UBXN8: variants seen among roughly 807,000 people sequenced by gnomAD.
The protein encoded by UBXN8 is UBX domain-containing protein 8.
UBXN8 carries 27 observed loss-of-function variants against 32.1 expected under a neutral mutation model. The ratio of observed to expected loss-of-function variants is 0.84; its 90% CI spans 0.62 to 1.16. The LOEUF is 1.16. Among genes scored for constraint, UBXN8 ranks in the 50% most tolerant of loss-of-function variants. The pLI, the probability that UBXN8 is intolerant of heterozygous loss-of-function variation, is 0.00. For missense variants in UBXN8, 306 were observed against 311.4 expected (o/e 0.98, Z 0.13); for synonymous variants, 109 against 111.8 (o/e 0.98, Z 0.16).
intron 6 of UBXN8, 40 bp from the exon 7 acceptor site, chr8:30,763,233 G>A: frequency 6.3e-7 from 1 of 1,589,950 alleles, no homozygotes; most frequent in Non-Finnish European, 8.6e-7. Context: ...ATTGCAAAGA[G>A]CAATGGATCG....
At chr8:30,742,664 A>G (rs1212284199), upstream of UBXN8, among the ~76,000 whole-genome samples, 4 of 151,838 alleles carry the variant, frequency 2.6e-5, no homozygotes, top group African/African-American at 7.3e-5. Context: ...CTGCAGCAAT[A>G]ATCACTGGTA....
intron 3 of UBXN8, chr8:30,754,266 T>G: frequency 2.9e-6 from 1 of 349,252 alleles, no homozygotes; most frequent in Non-Finnish European, 5.7e-6. Context: ...CAAAGGATGT[T>G]GGCTTCCCTC....
intron 1 of UBXN8, among the ~76,000 whole-genome samples, chr8:30,746,901 A>T (rs1384045002): frequency 1.4e-5 from 2 of 140,690 alleles, no homozygotes; most frequent in Admixed American, 7.1e-5. Flanking sequence ...TACACAAAAA[A>T]ATCCCAGCAC....
chr8:30,742,479 T>C (rs757002820), upstream of UBXN8, among the ~76,000 whole-genome samples: 3 of 152,014 alleles, frequency 2.0e-5, no homozygotes, highest in Non-Finnish European at 4.4e-5. Context: ...GCCTCTTGAG[T>C]AGCTGGGAGC....
At position 30,754,597 on chromosome 8, in the gene UBXN8, T is replaced by C. The variant is rs1031187879; in HGVS notation, c.283-68T>C. The C allele has an allele frequency of 1.3e-6, 2 of 1,498,690 alleles. 1 individual carries two copies. Among genetic ancestry groups the C allele is most frequent in the Non-Finnish European group, 1.8e-6 (2 of 1,131,014 alleles). 92.8% of individuals were successfully genotyped at this position (1,498,690 alleles called of 1,614,324 possible). On this transcript the variant is annotated intron_variant, in intron 3 of 7. Transcript: ENST00000265616. ...CTTACTTGGTTCTTATTTACAACTT[T>C]ATAGACAGTGTACATTTTTAGGAAC...
intron 2 of UBXN8, among the ~76,000 whole-genome samples, chr8:30,752,674 T>G (rs1336846944): frequency 6.6e-6 from 1 of 152,186 alleles, no homozygotes; most frequent in Non-Finnish European, 1.5e-5. Flanking sequence ...ATATTGTACT[T>G]AGCCTCAGAA....
intron 6 of UBXN8, among the ~76,000 whole-genome samples, 177 bp downstream of exon 6, chr8:30,761,106 C>T (rs1384176920): frequency 6.6e-6 from 1 of 152,068 alleles, no homozygotes; most frequent in African/African-American, 2.4e-5. Context: ...CACTATGTTG[C>T]CTAGGCTGGC....
intron 1 of UBXN8, among the ~76,000 whole-genome samples, chr8:30,750,195 G>A (rs1805482058): frequency 6.6e-6 from 1 of 152,032 alleles, no homozygotes; most frequent in Non-Finnish European, 1.5e-5. Flanking sequence ...GAAAGGGCTG[G>A]GTGTGGTGGC....
chr8:30,765,285 T>A (rs1805967830), intron 7 of UBXN8, among the ~76,000 whole-genome samples: 1 of 151,976 alleles, frequency 6.6e-6, no homozygotes, highest in Admixed American at 6.6e-5. Flanking sequence ...TTTTTATTTA[T>A]TTTTGTAAGA....
intron 7 of UBXN8, among the ~76,000 whole-genome samples, chr8:30,765,682 G>A (rs1015524378): frequency 8.6e-5 from 13 of 150,420 alleles, no homozygotes; most frequent in Non-Finnish European, 1.3e-4. Flanking sequence ...GCCTCCTGAG[G>A]GCCTGGGATT....
At chr8:30,758,867 C>G in intron 5 of UBXN8, among the ~76,000 whole-genome samples, 1 of 136,556 alleles carries the variant, frequency 7.3e-6, no homozygotes, top group South Asian at 2.5e-4. Context: ...TCATTGGTAA[C>G]AAATGTTTTT....
In UBXN8 at chr8:30,744,173, C is replaced by T; in HGVS notation, c.-17C>T. On this transcript the variant is annotated 5_prime_UTR_variant, in exon 1 of 8. Coordinates refer to ENST00000265616, the MANE Select transcript of UBXN8 (RefSeq NM_005671.4). ...GAAGGGGCGGGCTTTCCGCCTGCAC[C>T]AGGCGCTTCCGCCACCATGGCTTCA... is the stretch of plus-strand genomic sequence containing the variant. The T allele has an allele frequency of 1.9e-6, 3 of 1,609,754 alleles. No homozygotes were observed. The highest frequency in any genetic ancestry group is 8.5e-7 in the Non-Finnish European group (1 of 1,178,062).
intron 6 of UBXN8, 85 bp downstream of exon 6, chr8:30,761,014 G>A: frequency 1.0e-6 from 1 of 997,364 alleles, no homozygotes; most frequent in South Asian, 1.6e-5. Flanking sequence ...ATCTAAACTT[G>A]GGTTTAGAAA....
At chr8:30,764,921 G>A (rs553366529) in intron 7 of UBXN8, among the ~76,000 whole-genome samples, 12 of 152,106 alleles carry the variant, frequency 7.9e-5, no homozygotes, top group African/African-American at 2.4e-4. Context: ...GTGGTGGTGC[G>A]TGCCTGTAGT....
intron 7 of UBXN8, among the ~76,000 whole-genome samples, chr8:30,765,848 A>G (rs1805988167): frequency 6.6e-6 from 1 of 151,920 alleles, no homozygotes; most frequent in Admixed American, 6.6e-5. Flanking sequence ...TCTCTACTAA[A>G]AATACAAAAA....
At chr8:30,745,155 G>A (rs142828427) in intron 1 of UBXN8, among the ~76,000 whole-genome samples, 1 of 152,204 alleles carries the variant, frequency 6.6e-6, no homozygotes, top group Admixed American at 6.5e-5. Flanking sequence ...GGCTTTGGAA[G>A]TTGACAAGTG....
At chr8:30,752,496 T>C (rs958333896) in intron 2 of UBXN8, among the ~76,000 whole-genome samples, 15 of 152,030 alleles carry the variant, frequency 9.9e-5, no homozygotes, top group Admixed American at 1.3e-4. Flanking sequence ...TTTATAGTTT[T>C]TGTAGAGGTG....
chr8:30,744,397 C>A, intron 1 of UBXN8, 120 bp downstream of exon 1: 3 of 936,732 alleles, frequency 3.2e-6, no homozygotes, highest in Non-Finnish European at 5.0e-6. Context: ...AACTCCCAGA[C>A]TGCATCGCCC....
At chr8:30,757,034 G>C in intron 5 of UBXN8, 147 bp downstream of exon 5, 6 of 1,271,552 alleles carry the variant, frequency 4.7e-6, no homozygotes, top group Non-Finnish European at 1.1e-6. Context: ...AATCACCCCA[G>C]AATAGGCCGG....
Sources: gnomAD v4.1 joint callset for allele counts (sites outside exome capture counted in the v4.1 genomes callset) on GRCh38, gnomAD v4.1.1 for gene constraint, MANE v1.5 for transcripts, NCBI Gene and HGNC (gene_info 2026-07-23, HGNC 2026-07-21) for gene names.